EIF2D: variants seen among roughly 807,000 people sequenced by gnomAD.
The protein encoded by EIF2D is hepatocellular carcinoma-associated antigen 56.
Under a neutral mutation model 77.4 loss-of-function variants are expected in EIF2D, and 56 were observed. That is an observed-to-expected ratio of 0.72 (90% CI 0.58 to 0.90). The LOEUF (loss-of-function observed/expected upper bound fraction) is 0.90. Ranked by LOEUF, EIF2D falls within the 40% of genes least tolerant of loss-of-function variation. The pLI, the probability that EIF2D is intolerant of heterozygous loss-of-function variation, is 0.00. For missense variants in EIF2D, 574 were observed against 706.5 expected, an observed-to-expected ratio of 0.81 and a Z score of 2.13; for synonymous variants, 230 against 271.0, an observed-to-expected ratio of 0.85 and a Z score of 1.49.
chr1:206,600,685 T>C (rs1265537687), intron 7 of EIF2D: 6 of 170,070 alleles, frequency 3.5e-5, no homozygotes, highest in Non-Finnish European at 6.4e-5. Flanking sequence ...GGCTACCACA[T>C]TGGATACAGC....
chr1:206,590,633 A>G (rs1010185702), downstream of EIF2D, among the ~76,000 whole-genome samples: 3 of 152,310 alleles, frequency 2.0e-5, no homozygotes, highest in East Asian at 1.9e-4. Context: ...CTCATGAGTA[A>G]AAAGGTCTAT....
At chr1:206,573,595 T>C (rs1668529217) in intron 4 of EIF2D, among the ~76,000 whole-genome samples, 1 of 152,246 alleles carries the variant, frequency 6.6e-6, no homozygotes, top group Admixed American at 6.5e-5. Context: ...AGCAAGTATT[T>C]CCTATTTGCC....
intron 2 of EIF2D, chr1:206,585,001 G>A: frequency 1.6e-6 from 1 of 624,956 alleles, no homozygotes; most frequent in Non-Finnish European, 2.8e-6. Context: ...ACTCTGAGCA[G>A]ACACCCAAGA....
At chr1:206,582,058 C>A (rs1197520278) in intron 2 of EIF2D, among the ~76,000 whole-genome samples, 2 of 152,200 alleles carry the variant, frequency 1.3e-5, no homozygotes, top group African/African-American at 2.4e-5. Context: ...AAGTCTGCTA[C>A]ACTTGAACGT....
chr1:206,598,194 T>A (rs1669742562), intron 11 of EIF2D, among the ~76,000 whole-genome samples: 1 of 151,854 alleles, frequency 6.6e-6, no homozygotes, highest in African/African-American at 2.4e-5. Context: ...TGCCCTACCA[T>A]GCCCGGCTAA....
At position 206,612,420 on chromosome 1, in the gene EIF2D, C is replaced by A. The variant is rs2102312099; in HGVS notation, c.-78G>T. On this transcript the variant is annotated 5_prime_UTR_variant, in exon 1 of 15. Transcript: ENST00000271764. Reference sequence around the variant, plus strand: ...AAGCGAGGGCGCAGCAGCTGCCAGGCCCTCAGCCGTGGGGGCAGCCATGCT... The same window carrying A: ...AAGCGAGGGCGCAGCAGCTGCCAGGACCTCAGCCGTGGGGGCAGCCATGCT... The A allele has an allele frequency of 1.3e-6, 2 of 1,590,330 alleles. No individual in the cohort carries two copies. The highest frequency in any genetic ancestry group is 2.2e-5 in the East Asian group (1 of 44,742).
chr1:206,608,877 C>A (rs1247211318), intron 3 of EIF2D, among the ~76,000 whole-genome samples: 1 of 152,162 alleles, frequency 6.6e-6, no homozygotes, highest in Admixed American at 6.5e-5. Context: ...CATGATGAAA[C>A]CCTGTCTCTA....
chr1:206,612,252 G>C, intron 1 of EIF2D, 35 bp downstream of exon 1: 1 of 1,613,916 alleles, frequency 6.2e-7, no homozygotes, highest in Non-Finnish European at 8.5e-7. Flanking sequence ...GTGTCTGGTT[G>C]TTCCGTGGCA....
chr1:206,611,703 C>A (rs1670504841), intron 1 of EIF2D, among the ~76,000 whole-genome samples: 1 of 152,224 alleles, frequency 6.6e-6, no homozygotes, highest in African/African-American at 2.4e-5. Context: ...CTTTCTCATA[C>A]ATGCTTCGCA....
chr1:206,612,429 G>T lies in EIF2D; in HGVS notation c.-87C>A. The T allele has an allele frequency of 6.4e-7, 1 of 1,557,328 alleles. No homozygotes were observed. Among genetic ancestry groups the T allele is most frequent in the Non-Finnish European group, 8.8e-7 (1 of 1,130,352 alleles). On this transcript the variant is annotated 5_prime_UTR_variant, in exon 1 of 15. Transcript: ENST00000271764. Reference sequence around the variant, plus strand: ...CGCAGCAGCTGCCAGGCCCTCAGCCGTGGGGGCAGCCATGCTGGGGCCCGG... The same window carrying T: ...CGCAGCAGCTGCCAGGCCCTCAGCCTTGGGGGCAGCCATGCTGGGGCCCGG...
In EIF2D at chr1:206,608,256, G is replaced by A; in HGVS notation, c.402C>T (p.Ala134=). The A allele has an allele frequency of 6.2e-7, 1 of 1,613,496 alleles. No individual in the cohort carries two copies. Residue 134 remains alanine (A), a synonymous_variant, in exon 4 of 15, where the codon GCC becomes GCT. Coordinates refer to ENST00000271764, the MANE Select transcript of EIF2D (RefSeq NM_006893.3). ...AGTACCTGTTCCCCACCAAAGAAAT[G>A]GCACAGAGGTCGCCCTTCTGTACCT... The part of the protein sequence containing the change: ...LPQVQKGDLC[A]ISLVGNRAPV...
At chr1:206,602,893 C>T in intron 6 of EIF2D, 58 bp downstream of exon 6, 2 of 1,586,264 alleles carry the variant, frequency 1.3e-6, no homozygotes, top group Non-Finnish European at 1.7e-6. Context: ...GAGTGGAGTT[C>T]GTCAGGCTCC....
intron 14 of EIF2D, among the ~76,000 whole-genome samples, chr1:206,593,282 C>T (rs1175392917): frequency 6.6e-6 from 1 of 152,002 alleles, no homozygotes; most frequent in Admixed American, 6.6e-5. Flanking sequence ...GAGATGCCTG[C>T]AAAAACCCCA....
intron 1 of EIF2D, 64 bp downstream of exon 1, chr1:206,612,223 G>A: frequency 2.5e-6 from 4 of 1,606,998 alleles, no homozygotes; most frequent in Non-Finnish European, 3.4e-6. Context: ...GAGGGCTATG[G>A]GCCAGCGGGG....
chr1:206,584,592 G>C lies in EIF2D; in HGVS notation c.139-3430C>G. The C allele has an allele frequency of 6.2e-7, 1 of 1,614,246 alleles. No homozygotes were observed. The highest frequency in any genetic ancestry group is 8.5e-7 in the Non-Finnish European group (1 of 1,180,046). On this transcript the variant is annotated intron_variant and NMD_transcript_variant, in intron 2 of 5. Transcript: ENST00000472709. The surrounding 1 kb of genome is among the most constrained non-coding windows in gnomAD (Gnocchi z 4.9). ...CACATCAGCAGCACCACCACCGTCA[G>C]TGAGGTCATCCAGGGGCTGCTCAAG...
At position 206,612,456 on chromosome 1, in the gene EIF2D, C is replaced by CGCGAAAAGGGCCCGGCT; in HGVS notation, c.-115_-114insAGCCGGGCCCTTTTCGC. On this transcript the variant is annotated 5_prime_UTR_variant, in exon 1 of 15. Transcript: ENST00000271764. ...GGGGGCAGCCATGCTGGGGCCCGGC[C>CGCGAAAAGGGCCCGGCT]GCGAAAAGGGCCCGGCTGGAAACCA... 1 of 1,391,262 alleles carries CGCGAAAAGGGCCCGGCT rather than the reference C, an allele frequency of 7.2e-7. No individual in the cohort carries two copies. Among genetic ancestry groups the CGCGAAAAGGGCCCGGCT allele is most frequent in the Non-Finnish European group, 1.0e-6 (1 of 990,466 alleles). 86.2% of individuals were successfully genotyped at this position (1,391,262 alleles called of 1,614,324 possible).
At position 206,584,926 on chromosome 1, in the gene EIF2D, T is replaced by C; in HGVS notation, c.139-3764A>G. 2 of 607,922 alleles carry C rather than the reference T, an allele frequency of 3.3e-6. No individual in the cohort carries two copies. Among genetic ancestry groups the C allele is most frequent in the East Asian group, 5.5e-5 (2 of 36,484 alleles). The allele number at this position is 607,922 out of a possible 1,614,324, so 37.7% of individuals were successfully genotyped here. On this transcript the variant is annotated intron_variant and NMD_transcript_variant, in intron 2 of 5. Coordinates refer to the EIF2D transcript ENST00000472709. The surrounding 1 kb of genome is among the most constrained non-coding windows in gnomAD (Gnocchi z 4.9). ...GGCTCCCATTTCCTGATCTGTGCAATGGGAGGAATCTGCCCCACCATTCCT... is the reference window on the plus strand; with the variant it reads ...GGCTCCCATTTCCTGATCTGTGCAACGGGAGGAATCTGCCCCACCATTCCT...
chr1:206,602,992 C>G lies in EIF2D; in HGVS notation c.743G>C (p.Arg248Thr), dbSNP rs1281806111. ...LSEAPEDTST[R>T]GLNQDSTDSK... ...ATCTGTGGAGTCTTGGTTCAGGCCC[C>G]TGGTGCTGGTGTCTTCTGGGGCTTC... The change falls in exon 6 of 15, where the codon AGG (arginine) becomes ACG (threonine). Residue 248 changes from arginine to threonine, a missense_variant. By Grantham distance (71) the Arg-to-Thr change is moderately conservative. Transcript: ENST00000271764. The G allele has an allele frequency of 6.2e-7, 1 of 1,614,174 alleles. No individual in the cohort carries two copies. The highest frequency in any genetic ancestry group is 2.2e-5 in the East Asian group (1 of 44,884).
intron 4 of EIF2D, among the ~76,000 whole-genome samples, chr1:206,575,542 CT>C (rs1402450345): frequency 6.6e-6 from 1 of 152,022 alleles, no homozygotes; most frequent in Non-Finnish European, 1.5e-5. Flanking sequence ...TAGAAATGTT[CT>C]TTGTGCTCCT....
Sources: allele counts gnomAD v4.1 joint callset (sites outside exome capture counted in the v4.1 genomes callset), GRCh38; gene constraint gnomAD v4.1.1; non-coding constraint Gnocchi (gnomAD v3.1); transcripts MANE v1.5; gene names NCBI Gene and HGNC (gene_info 2026-07-23, HGNC 2026-07-21).